Variants in VAV3 observed in about 807,000 individuals in gnomAD.
VAV3 encodes guanine nucleotide exchange factor VAV3.
A neutral mutation model predicts 131.2 loss-of-function variants in VAV3; 94 were observed. That is an observed-to-expected ratio of 0.72 (90% CI 0.61 to 0.85). VAV3 has a LOEUF of 0.85. VAV3 is among the 40% of genes least tolerant of loss of function. The pLI, the probability that VAV3 is intolerant of heterozygous loss-of-function variation, is 0.00. For missense variants in VAV3, 939 were observed against 1,002.7 expected (o/e 0.94, Z 0.86); for synonymous variants, 349 against 342.0 (o/e 1.02, Z -0.22).
In VAV3 at chr1:107,916,011, C is replaced by T. The variant is rs116014421; in HGVS notation, c.205-40994G>A. The stretch of plus-strand genomic sequence containing the variant: ...GCAATGAGGGGAGCATTTAACTCAG[C>T]GTAGAAGTTCAGAGAAGGCCTTCAA... On this transcript the variant is annotated intron_variant, in intron 1 of 26. Transcript: ENST00000370056. Among the ~76,000 whole-genome samples the T allele has an allele frequency of 5.8e-3, 878 of 152,146 alleles. 3 individuals are homozygous for T. The highest frequency in any genetic ancestry group is 8.7e-3 in the African/African-American group (362 of 41,506).
intron 20 of VAV3, among the ~76,000 whole-genome samples, chr1:107,640,684 C>A (rs540085736): frequency 4.2e-4 from 64 of 152,236 alleles, no homozygotes; most frequent in African/African-American, 1.5e-3. Flanking sequence ...TAAAGTTGCA[C>A]TAATGATCCA....
At chr1:107,834,782 G>A (rs776656124) in intron 2 of VAV3, among the ~76,000 whole-genome samples, 3 of 152,084 alleles carry the variant, frequency 2.0e-5, no homozygotes, top group Non-Finnish European at 4.4e-5. Context: ...TGGGAACTCT[G>A]CATGGGGTTG....
chr1:107,758,831 T>C (rs183633316), intron 10 of VAV3, among the ~76,000 whole-genome samples: 1 of 152,306 alleles, frequency 6.6e-6, no homozygotes, highest in African/African-American at 2.4e-5. Flanking sequence ...ACAACTTATA[T>C]TCTATTCATA....
chr1:107,722,841 T>TC (rs1553194878), intron 15 of VAV3, among the ~76,000 whole-genome samples: 8 of 3,608 alleles, frequency 2.2e-3, no homozygotes, highest in Non-Finnish European at 2.4e-3. Flanking sequence ...TTATCCTCTC[T>TC]TTTTTTTTTT....
intron 19 of VAV3, among the ~76,000 whole-genome samples, chr1:107,670,713 T>C (rs576499633): frequency 1.3e-5 from 2 of 152,308 alleles, no homozygotes; most frequent in African/African-American, 4.8e-5. Context: ...TAGTCCCAAA[T>C]AGGGATTTTT....
At chr1:107,822,775 G>C (rs1283162413) in intron 2 of VAV3, among the ~76,000 whole-genome samples, 2 of 152,154 alleles carry the variant, frequency 1.3e-5, no homozygotes, top group Non-Finnish European at 2.9e-5. Context: ...ATGTTGGCAT[G>C]AACTAAAATA....
intron 15 of VAV3, among the ~76,000 whole-genome samples, chr1:107,723,531 C>T (rs1363764980): frequency 9.2e-5 from 14 of 151,606 alleles, no homozygotes; most frequent in African/African-American, 2.9e-4. Flanking sequence ...GCTTGACACA[C>T]TGCCAGACAC....
intron 2 of VAV3, among the ~76,000 whole-genome samples, chr1:107,806,667 A>T (rs181520597): frequency 2.6e-5 from 4 of 152,246 alleles, no homozygotes; most frequent in African/African-American, 4.8e-5. Flanking sequence ...GTTTTCTTCA[A>T]ATGAGGTGTT....
At chr1:107,591,329 G>A (rs781404264) in intron 25 of VAV3, among the ~76,000 whole-genome samples, 4 of 152,048 alleles carry the variant, frequency 2.6e-5, no homozygotes, top group African/African-American at 4.8e-5. Context: ...ACCAGATTGT[G>A]TATCTTATTC....
chr1:107,952,494 A>ATATATATAT (rs1674601949), intron 1 of VAV3, among the ~76,000 whole-genome samples: 1 of 142,448 alleles, frequency 7.0e-6, no homozygotes, highest in Non-Finnish European at 1.5e-5. Context: ...ATACACACAT[A>ATATATATAT]AATTCAACCT....
At chr1:107,764,756 A>C (rs1018959031) in intron 9 of VAV3, among the ~76,000 whole-genome samples, 1 of 152,156 alleles carries the variant, frequency 6.6e-6, no homozygotes, top group Non-Finnish European at 1.5e-5. Flanking sequence ...ACTTCTTACT[A>C]TCTACGCAAG....
At chr1:107,848,817 A>G (rs1429869640) in intron 2 of VAV3, among the ~76,000 whole-genome samples, 2 of 152,232 alleles carry the variant, frequency 1.3e-5, no homozygotes, top group Admixed American at 1.3e-4. Flanking sequence ...TCGTATATTT[A>G]GAAAATTCCA....
intron 1 of VAV3, among the ~76,000 whole-genome samples, chr1:107,883,593 T>C (rs1458236971): frequency 6.6e-6 from 1 of 152,126 alleles, no homozygotes. Flanking sequence ...TTTTAGAAGT[T>C]ATATTAATAT....
At chr1:107,785,404 G>A in intron 2 of VAV3, 6 of 1,314,160 alleles carry the variant, frequency 4.6e-6, no homozygotes, top group Non-Finnish European at 6.0e-6. Flanking sequence ...GAAAGGCCGG[G>A]TTCAGTAACA....
At chr1:107,620,461 C>G (rs1454469035) in intron 20 of VAV3, among the ~76,000 whole-genome samples, 1 of 152,094 alleles carries the variant, frequency 6.6e-6, no homozygotes, top group Admixed American at 6.6e-5. Context: ...TGTAGCCTGG[C>G]AGCAAGAGGC....
intron 19 of VAV3, among the ~76,000 whole-genome samples, chr1:107,667,894 T>G (rs1657524538): frequency 6.6e-6 from 1 of 152,122 alleles, no homozygotes; most frequent in Non-Finnish European, 1.5e-5. Flanking sequence ...AATCGTAGCA[T>G]CCCAAGGTTG....
chr1:107,924,258 C>G (rs922026288), intron 1 of VAV3, among the ~76,000 whole-genome samples: 1 of 152,040 alleles, frequency 6.6e-6, no homozygotes, highest in African/African-American at 2.4e-5. Context: ...TCTATGTCAT[C>G]GCTATTTTAA....
intron 2 of VAV3, among the ~76,000 whole-genome samples, chr1:107,821,188 A>C (rs1290479635): frequency 7.9e-5 from 12 of 152,218 alleles, no homozygotes; most frequent in Admixed American, 6.5e-4. Flanking sequence ...CTGAAGACAA[A>C]CTATTTTCAG....
At chr1:107,577,357 A>T (rs1439231457) in intron 25 of VAV3, among the ~76,000 whole-genome samples, 2 of 152,228 alleles carry the variant, frequency 1.3e-5, no homozygotes, top group Non-Finnish European at 2.9e-5. Flanking sequence ...AGCTATATAA[A>T]TTGACCTGCT....
Sources: allele counts gnomAD v4.1 joint callset (sites outside exome capture counted in the v4.1 genomes callset), GRCh38; gene constraint gnomAD v4.1.1; transcripts MANE v1.5; gene names NCBI Gene and HGNC (gene_info 2026-07-23, HGNC 2026-07-21).